DDR2: variants seen among roughly 807,000 people sequenced by gnomAD.
DDR2 encodes the protein discoidin domain-containing receptor 2.
A neutral mutation model predicts 94.9 loss-of-function variants in DDR2; 27 were observed. That is an observed-to-expected ratio of 0.28 (90% confidence interval 0.21 to 0.39). The LOEUF is 0.39. Among genes scored for constraint, DDR2 ranks in the 10% least tolerant of loss-of-function variants. The probability of loss-of-function intolerance (pLI) is 1.00; values close to 1 mark genes in which losing one functional copy is unlikely to be tolerated. For missense variants in DDR2, 783 were observed against 1,076.0 expected (o/e 0.73, Z 3.81); for synonymous variants, 382 against 377.2 (o/e 1.01, Z -0.15).
In DDR2 at chr1:162,673,608, T is replaced by TGAGAGAGAGAGA. The variant is rs10684469; in HGVS notation, c.-28+18261_-28+18272dup. On this transcript the variant is annotated intron_variant, in intron 2 of 17. Coordinates refer to ENST00000367921, the MANE Select transcript of DDR2 (RefSeq NM_006182.4). ...GTGTGTGTGTGTATGTGTGTGTGTGTGAGAGAGAGAGAGAGAGAGAGAGAG... is the reference window on the plus strand; with the variant it reads ...GTGTGTGTGTGTATGTGTGTGTGTGTGAGAGAGAGAGAGAGAGAGAGAGAGAGAGAGAGAGAG... 6.8e-5 allele frequency among the ~76,000 whole-genome samples: 8 copies of TGAGAGAGAGAGA among 117,246 alleles called. No individual in the cohort carries two copies. The South Asian group carries it at 1.3e-3, about 19-fold the overall frequency. The allele number at this position is 117,246 out of a possible 152,430, so 76.9% of individuals were successfully genotyped here.
At chr1:162,758,829 C>G (rs1329173682) in intron 7 of DDR2, among the ~76,000 whole-genome samples, 2 of 152,240 alleles carry the variant, frequency 1.3e-5, no homozygotes, top group South Asian at 4.1e-4. Flanking sequence ...ATCCCAATCT[C>G]GTCATTTGGG....
At chr1:162,677,185 A>G (rs918344243) in intron 2 of DDR2, among the ~76,000 whole-genome samples, 31 of 152,270 alleles carry the variant, frequency 2.0e-4, no homozygotes, top group Middle Eastern at 3.4e-3. Context: ...GGGTGAGGAT[A>G]GAGGTTTTGC....
rs574339557 is a variant in DDR2, at chr1:162,746,468, G to A, written c.83-6627G>A. ...GCTTGAGTAGGTAAACAAAGAAGCC[G>A]GGAAGGTCGAACTGGGTGGTACCCA... is the stretch of plus-strand genomic sequence containing the variant. On this transcript the variant is annotated intron_variant, in intron 3 of 17. Coordinates refer to ENST00000367921, the MANE Select transcript of DDR2 (RefSeq NM_006182.4). 9.8e-4 allele frequency among the ~76,000 whole-genome samples: 150 copies of A among 152,316 alleles called. 1 individual carries two copies. Among genetic ancestry groups the A allele is most frequent in the African/African-American group, 3.1e-3 (129 of 41,578 alleles).
At chr1:162,658,651 C>A (rs140868883) in intron 2 of DDR2, among the ~76,000 whole-genome samples, 8 of 142,510 alleles carry the variant, frequency 5.6e-5, no homozygotes, top group Non-Finnish European at 9.1e-5. Context: ...CGTGGCAAGA[C>A]CTTGTCTGTA....
rs1571333200 is a variant in DDR2 at position 162,782,689 on chromosome 1, T to C, written c.*2443T>C. 6.6e-6 allele frequency: 1 copy of C among 152,174 alleles called. No individual in the cohort carries two copies. The highest frequency in any genetic ancestry group is 2.4e-5 in the African/African-American group (1 of 41,446). 9.4% of individuals were successfully genotyped at this position (152,174 alleles called of 1,614,324 possible). On this transcript the variant is annotated 3_prime_UTR_variant, in exon 18 of 18. Transcript: ENST00000367921. ...CTTCCTTTGCCTAAAATCTCTCCAC[T>C]TATTCTTTTTTATGATTCTGCACCA...
chr1:162,719,151 A>G lies in DDR2; in HGVS notation c.82+6A>G, dbSNP rs760817442. 20 of 1,613,672 alleles carry G rather than the reference A, an allele frequency of 1.2e-5. No individual in the cohort carries two copies. Among genetic ancestry groups the G allele is most frequent in the Non-Finnish European group, 1.6e-5 (19 of 1,179,754 alleles). On this transcript the variant is annotated splice_donor_region_variant and intron_variant, in intron 3 of 17. Transcript: ENST00000367921. ...AAAAGCTCAGGTTAATCCAGGTAAC[A>G]TGGCTATTACTCAGCTATATGCTAG...
rs1647917031 is a variant in DDR2 at position 162,781,719 on chromosome 1, C to A, written c.*1473C>A. The A allele has an allele frequency of 6.6e-6, 1 of 152,118 alleles. No homozygotes were observed. The highest frequency in any genetic ancestry group is 2.1e-4 in the South Asian group (1 of 4,832). The allele number at this position is 152,118 out of a possible 1,614,324, so 9.4% of individuals were successfully genotyped here. On this transcript the variant is annotated 3_prime_UTR_variant, in exon 18 of 18. Transcript: ENST00000367921. Reference sequence around the variant, plus strand: ...GAATTCATGGAAACAGAGCCACTGTCAAGAAGGAATCTGCTCAGAGCAGAT... The same window carrying A: ...GAATTCATGGAAACAGAGCCACTGTAAAGAAGGAATCTGCTCAGAGCAGAT...
chr1:162,750,689 A>T (rs1421629048), intron 3 of DDR2, among the ~76,000 whole-genome samples: 2 of 152,158 alleles, frequency 1.3e-5, no homozygotes, highest in African/African-American at 4.8e-5. Flanking sequence ...CATTGCCAAG[A>T]CAATCCTAAG....
intron 2 of DDR2, among the ~76,000 whole-genome samples, chr1:162,684,856 T>C (rs867626039): frequency 1.9e-3 from 204 of 105,482 alleles, no homozygotes; most frequent in Admixed American, 3.8e-3. Context: ...CACACACACA[T>C]ACATGAATAG....
intron 4 of DDR2, among the ~76,000 whole-genome samples, chr1:162,754,219 C>T (rs920218039): frequency 6.6e-6 from 1 of 152,168 alleles, no homozygotes; most frequent in Non-Finnish European, 1.5e-5. Flanking sequence ...ACCCTACTAT[C>T]CCTCCTCCCT....
chr1:162,645,836 T>C (rs1040389761), intron 1 of DDR2, among the ~76,000 whole-genome samples: 4 of 152,340 alleles, frequency 2.6e-5, no homozygotes, highest in East Asian at 3.9e-4. Flanking sequence ...ATTGTGTTGA[T>C]ATTAAAATTG....
At chr1:162,722,880 G>T (rs995568460) in intron 3 of DDR2, among the ~76,000 whole-genome samples, 1 of 152,142 alleles carries the variant, frequency 6.6e-6, no homozygotes, top group Admixed American at 6.6e-5. Flanking sequence ...GAAGATTTCG[G>T]CTTGGAAGTA....
intron 2 of DDR2, among the ~76,000 whole-genome samples, chr1:162,672,557 C>A (rs1252460454): frequency 2.6e-5 from 4 of 152,108 alleles, no homozygotes; most frequent in Non-Finnish European, 2.9e-5. Context: ...CATATTTATA[C>A]TAAACTAAGT....
At position 162,698,311 on chromosome 1, in the gene DDR2, G is replaced by A. The variant is rs12073450; in HGVS notation, c.-27-20726G>A. Among the ~76,000 whole-genome samples, 810 of 152,226 alleles carry A rather than the reference G, an allele frequency of 5.3e-3. 10 individuals carry two copies. The highest frequency in any genetic ancestry group is 0.018 in the African/African-American group (764 of 41,542). On this transcript the variant is annotated intron_variant, in intron 2 of 17. Coordinates refer to ENST00000367921, the MANE Select transcript of DDR2 (RefSeq NM_006182.4). ...GGTAGACGCCCTCCTTACCAGAGTCGGTTAGCCTCTTGCTGTATGCACACT... is the reference window on the plus strand; with the variant it reads ...GGTAGACGCCCTCCTTACCAGAGTCAGTTAGCCTCTTGCTGTATGCACACT...
chr1:162,758,299 C>T (rs1663556434), intron 7 of DDR2, among the ~76,000 whole-genome samples: 1 of 152,094 alleles, frequency 6.6e-6, no homozygotes, highest in South Asian at 2.1e-4. Context: ...ATCAGAGTCT[C>T]AGGAAATAGT....
At chr1:162,745,885 A>G (rs931403421) in intron 3 of DDR2, among the ~76,000 whole-genome samples, 14 of 152,224 alleles carry the variant, frequency 9.2e-5, no homozygotes, top group Admixed American at 8.5e-4. Flanking sequence ...TTTGAAATGC[A>G]ATCAGTTGTG....
In DDR2 at chr1:162,666,234, C is replaced by T. The variant is rs147908996; in HGVS notation, c.-28+10860C>T. ...CTCCTCTCTCTCTCATTCTCTCTCT[C>T]GCATTCTTTTTCCTTCTGTTTTTTA... On this transcript the variant is annotated intron_variant, in intron 2 of 17. Transcript: ENST00000367921. Among the ~76,000 whole-genome samples, 4 of 152,312 alleles carry T rather than the reference C, an allele frequency of 2.6e-5. No homozygotes were observed. The East Asian group carries it at 5.8e-4, about 22-fold the overall frequency.
At chr1:162,645,994 C>T (rs560480801) in intron 1 of DDR2, among the ~76,000 whole-genome samples, 3 of 152,164 alleles carry the variant, frequency 2.0e-5, no homozygotes, top group Non-Finnish European at 2.9e-5. Context: ...CTGCTCACAG[C>T]GTGAAGATGG....
chr1:162,641,319 C>T (rs1340290258), intron 1 of DDR2, among the ~76,000 whole-genome samples: 1 of 152,190 alleles, frequency 6.6e-6, no homozygotes, highest in Non-Finnish European at 1.5e-5. Context: ...ACTTGAGTCG[C>T]TATGATCTTC....
Sources: gnomAD v4.1 joint callset for allele counts (sites outside exome capture counted in the v4.1 genomes callset) on GRCh38, gnomAD v4.1.1 for gene constraint, MANE v1.5 for transcripts, NCBI Gene and HGNC (gene_info 2026-07-23, HGNC 2026-07-21) for gene names.